Variants in PDE3A observed in about 807,000 individuals in gnomAD.
PDE3A encodes the protein cGMP-inhibited 3',5'-cyclic phosphodiesterase 3A.
PDE3A carries 43 observed loss-of-function variants against 98.3 expected under a neutral mutation model. That is an observed-to-expected ratio of 0.44 (90% CI 0.34 to 0.56). The LOEUF is 0.56. PDE3A is among the 20% of genes least tolerant of loss of function. PDE3A has a pLI of 0.01. For missense variants in PDE3A, 1,427 were observed against 1,440.7 expected (o/e 0.99, Z 0.15); for synonymous variants, 663 against 567.9 (o/e 1.17, Z -2.38).
chr12:20,534,482 A>G (rs934837325), intron 1 of PDE3A, among the ~76,000 whole-genome samples: 5 of 152,220 alleles, frequency 3.3e-5, no homozygotes, highest in Non-Finnish European at 4.4e-5. Context: ...GATCTCCCTT[A>G]AAAGGATGTA....
In PDE3A at chr12:20,552,676, C is replaced by A; in HGVS notation, c.961-3984C>A. ...CAGTCTCACGGCCCAGCAGAGCAGC[C>A]TCATCAGAGAGGACAAGAGCAACGC... On this transcript the variant is annotated intron_variant, in intron 1 of 15. Coordinates refer to ENST00000359062, the MANE Select transcript of PDE3A (RefSeq NM_000921.5). This position sits in a 1 kb window ranked among gnomAD's most constrained non-coding sequence, Gnocchi z 5.1. 6.2e-7 allele frequency: 1 copy of A among 1,614,006 alleles called. No individual in the cohort carries two copies. The highest frequency in any genetic ancestry group is 1.1e-5 in the South Asian group (1 of 91,084).
At chr12:20,611,502 C>T (rs559032487) in intron 2 of PDE3A, among the ~76,000 whole-genome samples, 73 of 152,018 alleles carry the variant, frequency 4.8e-4, no homozygotes, top group African/African-American at 1.7e-3. Context: ...GATATTTCCA[C>T]TTTCCACCTG....
intron 1 of PDE3A, among the ~76,000 whole-genome samples, chr12:20,422,970 G>A (rs1399252299): frequency 6.6e-6 from 1 of 152,024 alleles, no homozygotes; most frequent in East Asian, 1.9e-4. Context: ...GTTTAATATT[G>A]TAGTGCATGA....
rs764611561 is a variant in PDE3A at position 20,680,138 on chromosome 12, G to C, written c.3293G>C (p.Gly1098Ala). 80 of 1,613,844 alleles carry C rather than the reference G, an allele frequency of 5.0e-5. No individual in the cohort carries two copies. Among genetic ancestry groups the C allele is most frequent in the Non-Finnish European group, 6.7e-5 (79 of 1,179,876 alleles). ...ATTGAAGAGGAGCAACGGTTGGCAGGCATAGAAAATCAATCCCTGGACCAG... is the reference window on the plus strand; with the variant it reads ...ATTGAAGAGGAGCAACGGTTGGCAGCCATAGAAAATCAATCCCTGGACCAG... ...KVIEEEQRLAGIENQSLDQTP... is the reference protein window; with the variant it reads ...KVIEEEQRLAAIENQSLDQTP... Residue 1098 changes from glycine (G) to alanine (A), a missense_variant, in exon 16 of 16, where the codon GGC (glycine) becomes GCC (alanine). Transcript: ENST00000359062.
Position 20,640,037 on chromosome 12 carries a change from G to A in PDE3A, c.2251+80G>A. On this transcript the variant is annotated intron_variant, in intron 10 of 15. Transcript: ENST00000359062. ...GGGTAAATGGGATAGTGAATCATTA[G>A]CAGGTAGCACAGAATTACACATGGT... The A allele has an allele frequency of 1.5e-5, 10 of 686,700 alleles. No homozygotes were observed. In the South Asian group the frequency reaches 1.6e-4, roughly 11 times the overall value. The allele number at this position is 686,700 out of a possible 1,614,324, so 42.5% of individuals were successfully genotyped here.
At chr12:20,526,328 C>T (rs1200708751) in intron 1 of PDE3A, among the ~76,000 whole-genome samples, 1 of 152,096 alleles carries the variant, frequency 6.6e-6, no homozygotes, top group East Asian at 1.9e-4. Context: ...TTTAAATGAG[C>T]CAGCAATATT....
intron 1 of PDE3A, among the ~76,000 whole-genome samples, chr12:20,418,547 A>G (rs533160001): frequency 6.6e-6 from 1 of 152,308 alleles, no homozygotes; most frequent in Admixed American, 6.5e-5. Flanking sequence ...TTATATTTTT[A>G]AAAGGTGGTT....
At chr12:20,590,373 G>A (rs1286093112) in intron 2 of PDE3A, among the ~76,000 whole-genome samples, 1 of 147,818 alleles carries the variant, frequency 6.8e-6, no homozygotes, top group Non-Finnish European at 1.5e-5. Flanking sequence ...TCAGTATCTC[G>A]TATGTATGAG....
chr12:20,673,446 A>C (rs1432210921), intron 15 of PDE3A, among the ~76,000 whole-genome samples: 1 of 141,706 alleles, frequency 7.1e-6, no homozygotes, highest in African/African-American at 2.7e-5. Flanking sequence ...ACTTGGAACC[A>C]ACCCAAATGT....
intron 2 of PDE3A, among the ~76,000 whole-genome samples, chr12:20,610,545 C>T (rs1943823734): frequency 6.6e-6 from 1 of 151,868 alleles, no homozygotes; most frequent in African/African-American, 2.4e-5. Flanking sequence ...AAAATCACCA[C>T]CTCATAAAGA....
At chr12:20,414,425 CTG>C (rs1302099111) in intron 1 of PDE3A, among the ~76,000 whole-genome samples, 1 of 152,180 alleles carries the variant, frequency 6.6e-6, no homozygotes, top group Non-Finnish European at 1.5e-5. Context: ...TTCTGTCAGA[CTG>C]TATAAATTTC....
intron 1 of PDE3A, among the ~76,000 whole-genome samples, chr12:20,390,372 C>T (rs562524546): frequency 9.4e-5 from 14 of 148,194 alleles, no homozygotes; most frequent in African/African-American, 2.7e-4. Flanking sequence ...CACGAGGAGG[C>T]ATTTAAGAGG....
intron 10 of PDE3A, 143 bp from the exon 11 acceptor site, chr12:20,646,344 AAAT>A: frequency 1.7e-6 from 1 of 599,030 alleles, no homozygotes; most frequent in Non-Finnish European, 3.0e-6. Context: ...AAGAGTAATC[AAAT>A]AATATTTGTC....
chr12:20,533,363 G>A (rs2121194507), intron 1 of PDE3A, among the ~76,000 whole-genome samples: 1 of 151,566 alleles, frequency 6.6e-6, no homozygotes, highest in Middle Eastern at 3.4e-3. Flanking sequence ...TCTCTGCCTT[G>A]ACTCAAGACC....
chr12:20,540,379 G>A (rs1261115271), intron 1 of PDE3A, among the ~76,000 whole-genome samples: 1 of 152,044 alleles, frequency 6.6e-6, no homozygotes, highest in Non-Finnish European at 1.5e-5. Flanking sequence ...CTCAAGCGGA[G>A]AATTCCAGTT....
At chr12:20,415,441 A>G (rs753981475) in intron 1 of PDE3A, among the ~76,000 whole-genome samples, 28 of 148,958 alleles carry the variant, frequency 1.9e-4, no homozygotes, top group South Asian at 8.5e-4. Context: ...TTTTTTTGAG[A>G]CGGAGTCTCA....
intron 2 of PDE3A, among the ~76,000 whole-genome samples, chr12:20,576,005 T>A (rs1942923473): frequency 6.6e-6 from 1 of 151,992 alleles, no homozygotes; most frequent in Non-Finnish European, 1.5e-5. Context: ...AAAAATTGAT[T>A]AATTTTTGTG....
chr12:20,610,421 A>G (rs1400945987), intron 2 of PDE3A, among the ~76,000 whole-genome samples: 1 of 151,992 alleles, frequency 6.6e-6, no homozygotes, highest in East Asian at 1.9e-4. Context: ...GGTGTAGAGA[A>G]AAGGGAACCC....
At chr12:20,605,189 G>A (rs1164204286) in intron 2 of PDE3A, among the ~76,000 whole-genome samples, 1 of 152,086 alleles carries the variant, frequency 6.6e-6, no homozygotes, top group Non-Finnish European at 1.5e-5. Flanking sequence ...AAATATAACA[G>A]GCCTAAAGAG....
Sources: gnomAD v4.1 joint callset for allele counts (sites outside exome capture counted in the v4.1 genomes callset) on GRCh38, gnomAD v4.1.1 for gene constraint, Gnocchi (gnomAD v3.1) non-coding constraint, MANE v1.5 for transcripts, NCBI Gene and HGNC (gene_info 2026-07-23, HGNC 2026-07-21) for gene names.